CPAMD8: variants seen among roughly 807,000 people sequenced by gnomAD.
CPAMD8 encodes C3 and PZP like alpha-2-macroglobulin domain containing 8.
Under a neutral mutation model 224.7 loss-of-function variants are expected in CPAMD8, and 146 were observed. The ratio of observed to expected loss-of-function variants is 0.65; its 90% CI spans 0.57 to 0.75. CPAMD8 has a LOEUF of 0.75. Among genes scored for constraint, CPAMD8 ranks in the 30% least tolerant of loss-of-function variants. CPAMD8 has a pLI of 0.00. For synonymous variants in CPAMD8, 966 were observed against 1,044.6 expected, an observed-to-expected ratio of 0.92 and a Z score of 1.45; for missense variants, 2,301 against 2,537.5, an observed-to-expected ratio of 0.91 and a Z score of 2.00.
chr19:16,928,907 C>T lies in CPAMD8; in HGVS notation c.3144+35G>A, dbSNP rs557085240. Reference sequence around the variant, plus strand: ...CAGCTAGTATTGGAGGAACATGAGGCTTCTGCACAAGCCCCAGGCAGTTCT... The same window carrying T: ...CAGCTAGTATTGGAGGAACATGAGGTTTCTGCACAAGCCCCAGGCAGTTCT... On this transcript the variant is annotated intron_variant, in intron 24 of 41. Coordinates refer to ENST00000443236, the MANE Select transcript of CPAMD8 (RefSeq NM_015692.5). 2.0e-6 allele frequency: 3 copies of T among 1,534,304 alleles called. No homozygotes were observed. In the East Asian group the frequency reaches 6.8e-5, roughly 35 times the overall value.
rs1174153903 is a variant in CPAMD8, at chr19:16,897,910, C to G, written c.4933G>C (p.Val1645Leu). 1.2e-6 allele frequency: 2 copies of G among 1,610,880 alleles called. No individual in the cohort carries two copies. Among genetic ancestry groups the G allele is most frequent in the Non-Finnish European group, 1.7e-6 (2 of 1,179,212 alleles). The part of the protein sequence containing the change: ...VGRTSALPVS[V>L]YDYYEPAFEA... ...CTACCGGGTTCGTAGTAGTCGTACA[C>G]GGAGACTGGCAGCGCCGACGTCCTG... Residue 1645 changes from valine (V) to leucine (L), a missense_variant, in exon 38 of 42, where the codon GTG becomes CTG. Physicochemically the swap from Val to Leu is conservative, Grantham distance 32. Coordinates refer to ENST00000443236, the MANE Select transcript of CPAMD8 (RefSeq NM_015692.5).
At chr19:16,999,851 A>G (rs1192903995) in intron 10 of CPAMD8, among the ~76,000 whole-genome samples, 1 of 151,884 alleles carries the variant, frequency 6.6e-6, no homozygotes, top group Admixed American at 6.6e-5. Context: ...GTTTTTTGAG[A>G]TGGAGTCTCA....
At chr19:17,000,358 G>T in intron 10 of CPAMD8, 56 bp downstream of exon 10, 1 of 734,910 alleles carries the variant, frequency 1.4e-6, no homozygotes, top group Non-Finnish European at 2.5e-6. Context: ...AATGTGTGCT[G>T]GTGGAGGTGA....
chr19:16,924,831 T>C (rs1407258948), intron 26 of CPAMD8, among the ~76,000 whole-genome samples: 1 of 152,198 alleles, frequency 6.6e-6, no homozygotes, highest in Non-Finnish European at 1.5e-5. Context: ...GTAATCCTCC[T>C]GCCTCGGCCT....
intron 18 of CPAMD8, among the ~76,000 whole-genome samples, chr19:16,960,341 G>A (rs2054612071): frequency 6.6e-6 from 1 of 152,142 alleles, no homozygotes; most frequent in Admixed American, 6.6e-5. Context: ...ACAGAGAGAT[G>A]GAGTGGTTCA....
intron 22 of CPAMD8, among the ~76,000 whole-genome samples, chr19:16,939,369 A>G (rs2053808632): frequency 6.6e-6 from 1 of 151,914 alleles, no homozygotes; most frequent in Admixed American, 6.6e-5. Context: ...CACCACGCCA[A>G]GCTAATTTTT....
chr19:16,958,792 T>C (rs1432603436), intron 18 of CPAMD8, among the ~76,000 whole-genome samples: 1 of 150,206 alleles, frequency 6.7e-6, no homozygotes, highest in Non-Finnish European at 1.5e-5. Context: ...GTTATTTTTT[T>C]ACTTTTTTTT....
intron 41 of CPAMD8, chr19:16,894,494 C>T (rs893197553): frequency 4.4e-6 from 2 of 456,272 alleles, no homozygotes; most frequent in Admixed American, 2.3e-5. Context: ...GGATGGGACC[C>T]CACACCCCTT....
chr19:16,973,448 C>T (rs1341143614), intron 17 of CPAMD8, among the ~76,000 whole-genome samples: 1 of 152,010 alleles, frequency 6.6e-6, no homozygotes, highest in African/African-American at 2.4e-5. Context: ...CTCCCAGTTC[C>T]AGAGCTTCTC....
chr19:17,003,336 G>T (rs2056391670), intron 8 of CPAMD8, among the ~76,000 whole-genome samples: 2 of 151,990 alleles, frequency 1.3e-5, no homozygotes, highest in African/African-American at 4.8e-5. Flanking sequence ...GAGTAGCGGG[G>T]ACTACAGGCA....
Position 17,004,307 on chromosome 19 carries a change from G to A in CPAMD8, c.639C>T (p.His213=), listed in dbSNP as rs144678741. The A allele has an allele frequency of 2.7e-4, 436 of 1,611,554 alleles. 2 individuals are homozygous for A. In the East Asian group the frequency reaches 6.7e-3, roughly 25 times the overall value. The change falls in exon 8 of 42, where the codon CAC becomes CAT. Residue 213 remains histidine (H), a synonymous_variant. Coordinates refer to ENST00000443236, the MANE Select transcript of CPAMD8 (RefSeq NM_015692.5). The part of the protein sequence containing the change: ...EWFIFVEMQG[H]AYNKSFEVQK... ...GAACTTCAAAAGACTTGTTGTACGCGTGGCCTTGCATTTCAACAAAAATGA... is the reference window on the plus strand; with the variant it reads ...GAACTTCAAAAGACTTGTTGTACGCATGGCCTTGCATTTCAACAAAAATGA...
chr19:16,943,031 A>G (rs112392784), intron 22 of CPAMD8, among the ~76,000 whole-genome samples: 27,140 of 137,628 alleles, frequency 0.2, 2,756 homozygotes, highest in Non-Finnish European at 0.21. Context: ...TTTTTGAGAC[A>G]GGGTCTGGCT....
At chr19:16,926,411 A>G (rs982395596) in intron 25 of CPAMD8, among the ~76,000 whole-genome samples, 1 of 151,972 alleles carries the variant, frequency 6.6e-6, no homozygotes, top group Non-Finnish European at 1.5e-5. Flanking sequence ...TCTGCCTCCC[A>G]GGTTCAAGTG....
At chr19:16,961,020 T>C (rs1316136198) in intron 18 of CPAMD8, among the ~76,000 whole-genome samples, 2 of 151,192 alleles carry the variant, frequency 1.3e-5, no homozygotes, top group Admixed American at 1.3e-4. Context: ...CACATTTACA[T>C]GGTTAAAAAA....
intron 17 of CPAMD8, among the ~76,000 whole-genome samples, chr19:16,974,138 CTTT>C (rs1245605168): frequency 7.0e-6 from 1 of 142,298 alleles, no homozygotes. Flanking sequence ...AGCATTAGCC[CTTT>C]TTTTTTTTGA....
At position 16,935,017 on chromosome 19, in the gene CPAMD8, T is replaced by C. The variant is rs576245957; in HGVS notation, c.2845+3378A>G. Among the ~76,000 whole-genome samples, 28 of 152,304 alleles carry C rather than the reference T, an allele frequency of 1.8e-4. No individual in the cohort carries two copies. The South Asian group carries it at 5.8e-3, about 32-fold the overall frequency. ...GCCTCTTGTAAACACCATTCTACTT[T>C]CTTTCTCTATGATTTTGACTACTCT... On this transcript the variant is annotated intron_variant, in intron 23 of 41. Transcript: ENST00000443236.
chr19:17,009,147 A>G, intron 6 of CPAMD8, 156 bp downstream of exon 6: 1 of 1,188,252 alleles, frequency 8.4e-7, no homozygotes, highest in Non-Finnish European at 1.2e-6. Context: ...CCCAGGGCGG[A>G]CCCAGGGACC....
chr19:16,911,352 C>CT (rs544865518), intron 29 of CPAMD8, among the ~76,000 whole-genome samples: 51 of 146,900 alleles, frequency 3.5e-4, no homozygotes, highest in African/African-American at 8.4e-4. Flanking sequence ...TGGCAGACTC[C>CT]TTTTTTTTTT....
chr19:16,928,978 T>A lies in CPAMD8; in HGVS notation c.3108A>T (p.Arg1036Ser). ...CACCACGCCAGCTGATCCAGAATGT[T>A]CTGAATTCATCCCAGGAGAGGATCT... ...TAKILSWDEF[R>S]TFWISWRGGL... is the part of the protein sequence containing the mutation. Residue 1036 changes from arginine to serine, a missense_variant, in exon 24 of 42, where the codon AGA becomes AGT. Transcript: ENST00000443236. 6.2e-7 allele frequency: 1 copy of A among 1,613,540 alleles called. No individual in the cohort carries two copies. Among genetic ancestry groups the A allele is most frequent in the Non-Finnish European group, 8.5e-7 (1 of 1,179,686 alleles).
Sources: allele counts gnomAD v4.1 joint callset (sites outside exome capture counted in the v4.1 genomes callset), GRCh38; gene constraint gnomAD v4.1.1; transcripts MANE v1.5; gene names NCBI Gene and HGNC (gene_info 2026-07-23, HGNC 2026-07-21).